Variants in ADAD1 observed in about 807,000 individuals in gnomAD.
The protein encoded by ADAD1 is adenosine deaminase domain-containing protein 1.
A neutral mutation model predicts 66.8 loss-of-function variants in ADAD1; 46 were observed. That is an observed-to-expected ratio of 0.69 (90% CI 0.54 to 0.88). The LOEUF (loss-of-function observed/expected upper bound fraction) is 0.88. Ranked by LOEUF, ADAD1 falls within the 40% of genes least tolerant of loss-of-function variation. ADAD1 has a pLI of 0.00. For missense variants in ADAD1, 617 were observed against 681.8 expected (o/e 0.91, Z 1.06); for synonymous variants, 248 against 229.4 (o/e 1.08, Z -0.73).
rs113751300 is a variant in ADAD1, at chr4:122,391,048, G to A, written c.530-2541G>A. On this transcript the variant is annotated intron_variant, in intron 5 of 12. Coordinates refer to ENST00000296513, the MANE Select transcript of ADAD1 (RefSeq NM_139243.4). ...CCCTTGGATAGGGTTTTTGTGGGGA[G>A]CTTTTTTGTTCTTGTTGATGCTATT... 4.7e-3 allele frequency among the ~76,000 whole-genome samples: 720 copies of A among 152,114 alleles called. 2 individuals carry two copies. Among genetic ancestry groups the A allele is most frequent in the African/African-American group, 0.017 (688 of 41,544 alleles).
chr4:122,396,365 A>G lies in ADAD1; in HGVS notation c.712A>G (p.Ile238Val). ...LKYSSSLAAF[I>V]IERAGQHEVV... ...ATATAGCAGTTCATTGGCTGCTTTT[A>G]TAATTGAAAGAGGTAAGTCCACATA... Residue 238 changes from isoleucine (I) to valine (V), a missense_variant, in exon 7 of 13, where the codon ATA (isoleucine) becomes GTA (valine). Coordinates refer to ENST00000296513, the MANE Select transcript of ADAD1 (RefSeq NM_139243.4). 6.3e-7 allele frequency: 1 copy of G among 1,582,280 alleles called. No individual in the cohort carries two copies. Among genetic ancestry groups the G allele is most frequent in the South Asian group, 1.2e-5 (1 of 83,966 alleles).
chr4:122,383,782 C>T lies in ADAD1; in HGVS notation c.362-17C>T. The T allele has an allele frequency of 6.4e-7, 1 of 1,574,412 alleles. No individual in the cohort carries two copies. Among genetic ancestry groups the T allele is most frequent in the Admixed American group, 1.9e-5 (1 of 51,426 alleles). On this transcript the variant is annotated splice_polypyrimidine_tract_variant and intron_variant, in intron 4 of 12. Coordinates refer to ENST00000296513, the MANE Select transcript of ADAD1 (RefSeq NM_139243.4). The stretch of plus-strand genomic sequence containing the variant: ...AATAAAAATTATTGTAGCATTCATT[C>T]TGAGTTCTTTTTCAAGGTAATGTTA...
rs1201929635 is a variant in ADAD1 at position 122,411,320 on chromosome 4, T to A, written c.947T>A (p.Leu316His). Reference sequence around the variant, plus strand: ...GAACCAACTTCTAATCTACTCACTCTTAAACAGAATATCAACATTTGCCTT... The same window carrying A: ...GAACCAACTTCTAATCTACTCACTCATAAACAGAATATCAACATTTGCCTT... ...CTEPTSNLLT[L>H]KQNINICLYM... Residue 316 changes from leucine to histidine, a missense_variant, in exon 9 of 13, where the codon CTT becomes CAT. Transcript: ENST00000296513. 3.7e-6 allele frequency: 6 copies of A among 1,613,364 alleles called. No individual in the cohort carries two copies. The East Asian group carries it at 1.3e-4, about 36-fold the overall frequency.
intron 11 of ADAD1, among the ~76,000 whole-genome samples, chr4:122,418,057 T>C (rs898811850): frequency 6.6e-6 from 1 of 151,854 alleles, no homozygotes; most frequent in African/African-American, 2.4e-5. Flanking sequence ...ATTAGAAATA[T>C]AAAGAAAAGA....
chr4:122,423,040 T>C (rs1797079111), intron 12 of ADAD1, among the ~76,000 whole-genome samples: 1 of 151,514 alleles, frequency 6.6e-6, no homozygotes, highest in Non-Finnish European at 1.5e-5. Context: ...CAGGAGTACA[T>C]GGCCTTGCCC....
intron 5 of ADAD1, 52 bp downstream of exon 5, chr4:122,384,018 G>GA: frequency 7.0e-7 from 1 of 1,432,046 alleles, no homozygotes; most frequent in Non-Finnish European, 9.4e-7. Flanking sequence ...TTTTCAAAAG[G>GA]AATCACCTGA....
At chr4:122,390,545 G>A (rs1039326464) in intron 5 of ADAD1, among the ~76,000 whole-genome samples, 6 of 151,948 alleles carry the variant, frequency 3.9e-5, no homozygotes, top group African/African-American at 1.5e-4. Flanking sequence ...TAGAGTCTTT[G>A]TTCATTCATT....
At chr4:122,429,601 A>T (rs768493199) in intron 12 of ADAD1, 25 bp from the exon 13 acceptor site, 2 of 1,473,830 alleles carry the variant, frequency 1.4e-6, no homozygotes, top group Non-Finnish European at 1.9e-6. Flanking sequence ...TATTTTCTAT[A>T]ATTCATTTTT....
intron 7 of ADAD1, among the ~76,000 whole-genome samples, chr4:122,405,107 T>G (rs1796148135): frequency 6.6e-6 from 1 of 152,200 alleles, no homozygotes; most frequent in African/African-American, 2.4e-5. Context: ...ATAATTCTAT[T>G]TAAGGGAAGG....
At chr4:122,385,859 A>G (rs1795147922) in intron 5 of ADAD1, among the ~76,000 whole-genome samples, 1 of 152,162 alleles carries the variant, frequency 6.6e-6, no homozygotes, top group African/African-American at 2.4e-5. Context: ...ATGTCCCTTC[A>G]AAGGACATGA....
intron 5 of ADAD1, among the ~76,000 whole-genome samples, chr4:122,385,853 C>G (rs112160914): frequency 0.054 from 8,152 of 152,214 alleles, 274 homozygotes; most frequent in Non-Finnish European, 0.074. Context: ...TCATCCATGT[C>G]CCTTCAAAGG....
At chr4:122,387,130 G>C (rs1795208877) in intron 5 of ADAD1, among the ~76,000 whole-genome samples, 1 of 4,224 alleles carries the variant, frequency 2.4e-4, no homozygotes, top group South Asian at 0.17. Flanking sequence ...TGGGCAGTAT[G>C]GCCATTTTCT....
At chr4:122,384,963 T>G (rs1354601609) in intron 5 of ADAD1, among the ~76,000 whole-genome samples, 1 of 152,198 alleles carries the variant, frequency 6.6e-6, no homozygotes, top group Non-Finnish European at 1.5e-5. Flanking sequence ...TAACGATATA[T>G]TCTGTCTTGG....
At chr4:122,415,272 A>T (rs1796677220) in intron 10 of ADAD1, 107 bp from the exon 11 acceptor site, 3 of 839,268 alleles carry the variant, frequency 3.6e-6, no homozygotes, top group East Asian at 5.2e-5. Context: ...AGGTTGAAAG[A>T]TAAAGGATAG....
intron 11 of ADAD1, among the ~76,000 whole-genome samples, chr4:122,416,788 G>A (rs1382759061): frequency 2.0e-5 from 3 of 151,316 alleles, no homozygotes; most frequent in Non-Finnish European, 4.4e-5. Flanking sequence ...TTCTTAGTAT[G>A]GACTCAGTTA....
intron 7 of ADAD1, among the ~76,000 whole-genome samples, chr4:122,397,206 T>C (rs1016917677): frequency 1.1e-4 from 16 of 152,292 alleles, no homozygotes; most frequent in Non-Finnish European, 1.6e-4. Context: ...AAAATGCAGT[T>C]AGATTGATAA....
chr4:122,410,690 T>C (rs1202596850), intron 8 of ADAD1, among the ~76,000 whole-genome samples: 1 of 152,208 alleles, frequency 6.6e-6, no homozygotes, highest in Non-Finnish European at 1.5e-5. Flanking sequence ...TACAATAAAT[T>C]ATTGGTAACT....
Position 122,412,575 on chromosome 4 carries a change from T to G in ADAD1, c.1020-5T>G. The stretch of plus-strand genomic sequence containing the variant: ...AAAGGAAGAAACTTTCTTTTCTTTC[T>G]CTAGACGTCTTAATCCACATTCTAT... On this transcript the variant is annotated splice_polypyrimidine_tract_variant and splice_region_variant and intron_variant, in intron 9 of 12. Coordinates refer to ENST00000296513, the MANE Select transcript of ADAD1 (RefSeq NM_139243.4). The G allele has an allele frequency of 6.2e-7, 1 of 1,612,176 alleles. No individual in the cohort carries two copies. The highest frequency in any genetic ancestry group is 8.5e-7 in the Non-Finnish European group (1 of 1,179,048).
At chr4:122,397,754 G>T (rs1209536318) in intron 7 of ADAD1, among the ~76,000 whole-genome samples, 1 of 152,138 alleles carries the variant, frequency 6.6e-6, no homozygotes, top group African/African-American at 2.4e-5. Context: ...TGAATAAAAA[G>T]TAATACCAAC....
Sources: allele counts gnomAD v4.1 joint callset (sites outside exome capture counted in the v4.1 genomes callset), GRCh38; gene constraint gnomAD v4.1.1; transcripts MANE v1.5; gene names NCBI Gene and HGNC (gene_info 2026-07-23, HGNC 2026-07-21).